The following MNAT1 variants were observed in gnomAD, a reference collection of about 807,000 sequenced individuals.
MNAT1 encodes MNAT1 component of CDK activating kinase.
MNAT1 carries 43 observed loss-of-function variants against 42.0 expected under a neutral mutation model. That is an observed-to-expected ratio of 1.02 (90% confidence interval 0.80 to 1.32). MNAT1 has a LOEUF of 1.32. MNAT1 is among the 40% of genes most tolerant of loss of function. MNAT1 has a pLI of 0.00. For synonymous variants in MNAT1, 118 were observed against 120.0 expected (o/e 0.98, Z 0.11); for missense variants, 306 against 350.4 (o/e 0.87, Z 1.01).
chr14:60,899,175 G>C (rs754397079), intron 7 of MNAT1, among the ~76,000 whole-genome samples: 3 of 152,058 alleles, frequency 2.0e-5, no homozygotes, highest in Non-Finnish European at 4.4e-5. Context: ...CTTTGTGGTA[G>C]CTACAATGCT....
chr14:60,932,058 G>T (rs2035898543), intron 7 of MNAT1, among the ~76,000 whole-genome samples: 1 of 151,642 alleles, frequency 6.6e-6, no homozygotes, highest in African/African-American at 2.4e-5. Context: ...ATATTATAAG[G>T]ATGTTAGTTT....
In MNAT1 at chr14:60,810,389, C is replaced by T. The variant is rs1213290476; in HGVS notation, c.421-1598C>T. ...AATCCTTTGTTCTGCTTACTTTGAGCTCAGTTTGTTATTAAATTTCTAGCT... is the reference window on the plus strand; with the variant it reads ...AATCCTTTGTTCTGCTTACTTTGAGTTCAGTTTGTTATTAAATTTCTAGCT... On this transcript the variant is annotated intron_variant, in intron 4 of 7. Coordinates refer to ENST00000261245, the MANE Select transcript of MNAT1 (RefSeq NM_002431.4). Among the ~76,000 whole-genome samples, 16 of 151,980 alleles carry T rather than the reference C, an allele frequency of 1.1e-4. No individual in the cohort carries two copies. In the East Asian group the frequency reaches 1.9e-3, roughly 18 times the overall value.
At chr14:60,894,516 T>A (rs1482339213) in intron 7 of MNAT1, among the ~76,000 whole-genome samples, 1 of 152,110 alleles carries the variant, frequency 6.6e-6, no homozygotes, top group Admixed American at 6.6e-5. Flanking sequence ...GGGCAACACT[T>A]TGTTTGGAGC....
intron 6 of MNAT1, among the ~76,000 whole-genome samples, chr14:60,824,152 A>C (rs1361073378): frequency 6.6e-6 from 1 of 152,118 alleles, no homozygotes; most frequent in Non-Finnish European, 1.5e-5. Context: ...GTGAGACTCC[A>C]TCTCAAAAAA....
chr14:60,851,469 A>G (rs1216277322), intron 6 of MNAT1, among the ~76,000 whole-genome samples: 1 of 151,720 alleles, frequency 6.6e-6, no homozygotes, highest in Non-Finnish European at 1.5e-5. Context: ...GCATATTCTC[A>G]CTTTGTGTCT....
intron 7 of MNAT1, among the ~76,000 whole-genome samples, chr14:60,902,445 A>G (rs1349629112): frequency 6.6e-6 from 1 of 152,154 alleles, no homozygotes; most frequent in African/African-American, 2.4e-5. Context: ...ATCTTTCTCA[A>G]AATATTCTAA....
chr14:60,835,378 C>T (rs1005408236), intron 6 of MNAT1, among the ~76,000 whole-genome samples: 1 of 152,076 alleles, frequency 6.6e-6, no homozygotes, highest in Non-Finnish European at 1.5e-5. Context: ...TTTGCCTGTA[C>T]CAGTGTTTTC....
chr14:60,810,154 ATAG>A (rs1177182171), intron 4 of MNAT1, among the ~76,000 whole-genome samples: 1 of 152,102 alleles, frequency 6.6e-6, no homozygotes, highest in Non-Finnish European at 1.5e-5. Context: ...ATAATTGTTC[ATAG>A]TAGTCTCTTA....
At chr14:60,944,474 G>C (rs955187701) in intron 7 of MNAT1, among the ~76,000 whole-genome samples, 8 of 152,226 alleles carry the variant, frequency 5.3e-5, no homozygotes, top group African/African-American at 1.9e-4. Flanking sequence ...AACCAAATCA[G>C]CCAGGACTTC....
At chr14:60,787,108 G>A (rs1356149228) in intron 1 of MNAT1, among the ~76,000 whole-genome samples, 1 of 152,120 alleles carries the variant, frequency 6.6e-6, no homozygotes, top group African/African-American at 2.4e-5. Flanking sequence ...TGTGGCCATG[G>A]TGCTTTCCCT....
chr14:60,812,152 T>G, intron 5 of MNAT1, 25 bp downstream of exon 5: 1 of 1,503,304 alleles, frequency 6.7e-7, no homozygotes, highest in Non-Finnish European at 8.9e-7. Flanking sequence ...TAATTGTGAT[T>G]GTAAAAAACA....
At chr14:60,935,526 A>G (rs1194542637) in intron 7 of MNAT1, among the ~76,000 whole-genome samples, 1 of 152,188 alleles carries the variant, frequency 6.6e-6, no homozygotes, top group African/African-American at 2.4e-5. Flanking sequence ...CCTTGTCTTC[A>G]AGAAGTAGTA....
At chr14:60,830,810 T>G (rs1566784975) in intron 6 of MNAT1, among the ~76,000 whole-genome samples, 1 of 152,070 alleles carries the variant, frequency 6.6e-6, no homozygotes, top group Non-Finnish European at 1.5e-5. Flanking sequence ...TTTTTTTTTT[T>G]TAAATCACAG....
At chr14:60,755,683 A>T (rs1485063129) in intron 1 of MNAT1, among the ~76,000 whole-genome samples, 1 of 152,242 alleles carries the variant, frequency 6.6e-6, no homozygotes, top group Non-Finnish European at 1.5e-5. Flanking sequence ...CATTAAACCT[A>T]GCGCAGCCAG....
At chr14:60,893,442 G>A (rs2034886671) in intron 7 of MNAT1, among the ~76,000 whole-genome samples, 1 of 151,972 alleles carries the variant, frequency 6.6e-6, no homozygotes, top group African/African-American at 2.4e-5. Flanking sequence ...GTGTCCTCAT[G>A]ATACATTTGT....
intron 1 of MNAT1, among the ~76,000 whole-genome samples, chr14:60,769,080 G>A (rs1193850114): frequency 6.6e-6 from 1 of 152,094 alleles, no homozygotes; most frequent in African/African-American, 2.4e-5. Context: ...GGTATTACTG[G>A]TAAGTTTGAA....
At position 60,946,319 on chromosome 14, in the gene MNAT1, C is replaced by T. The variant is rs1425144702; in HGVS notation, c.810-21910C>T. On this transcript the variant is annotated intron_variant, in intron 7 of 7. Transcript: ENST00000261245. ...AGTCTTATACTTGCTCTCTCTACTT[C>T]CTTATTTCTGATTCATCCACCAAAC... 2.6e-5 allele frequency among the ~76,000 whole-genome samples: 4 copies of T among 152,254 alleles called. No homozygotes were observed. The East Asian group carries it at 7.7e-4, about 29-fold the overall frequency.
rs1318354943 is a variant in MNAT1, at chr14:60,791,817, T to G, written c.90-4400T>G. On this transcript the variant is annotated intron_variant, in intron 1 of 7. Transcript: ENST00000261245. ...GGGCTTTAAGAAAATGTGAAACCTT[T>G]TTAAGGTGAAGATTCAATTGGTTAC... Among the ~76,000 whole-genome samples, 3 of 152,160 alleles carry G rather than the reference T, an allele frequency of 2.0e-5. No individual in the cohort carries two copies. In the South Asian group the frequency reaches 6.2e-4, roughly 31 times the overall value.
intron 6 of MNAT1, among the ~76,000 whole-genome samples, chr14:60,844,433 A>C (rs1026825412): frequency 2.0e-5 from 3 of 151,908 alleles, no homozygotes; most frequent in African/African-American, 7.3e-5. Flanking sequence ...TGTTAGACTT[A>C]TTGTCATTTT....
Sources: allele counts gnomAD v4.1 joint callset (sites outside exome capture counted in the v4.1 genomes callset), GRCh38; gene constraint gnomAD v4.1.1; transcripts MANE v1.5; gene names NCBI Gene and HGNC (gene_info 2026-07-23, HGNC 2026-07-21).